Variants in RBFOX1 observed in about 807,000 individuals in gnomAD.
The protein encoded by RBFOX1 is RNA binding protein fox-1 homolog 1.
RBFOX1 carries 8 observed loss-of-function variants against 57.7 expected under a neutral mutation model. That is an observed-to-expected ratio of 0.14 (90% CI 0.08 to 0.25). The LOEUF (loss-of-function observed/expected upper bound fraction) is 0.25, where lower values mean the gene tolerates loss of function less well. RBFOX1 is among the 10% of genes least tolerant of loss of function. The pLI is 1.00. For synonymous variants in RBFOX1, 326 were observed against 222.4 expected, an observed-to-expected ratio of 1.47 and a Z score of -4.15; for missense variants, 611 against 548.5, an observed-to-expected ratio of 1.11 and a Z score of -1.14.
intron 3 of RBFOX1, among the ~76,000 whole-genome samples, chr16:6,763,576 A>G (rs1437595597): frequency 1.3e-5 from 2 of 152,232 alleles, no homozygotes; most frequent in African/African-American, 2.4e-5. Context: ...TTAATAAGCT[A>G]TCATTGACCA....
At chr16:5,906,868 AG>A (rs1227018836) in intron 4 of RBFOX1, among the ~76,000 whole-genome samples, 1 of 150,008 alleles carries the variant, frequency 6.7e-6, no homozygotes, top group Non-Finnish European at 1.5e-5. Flanking sequence ...CTGAGTAACT[AG>A]GATTACAGGT....
chr16:6,678,555 T>G (rs966310815), intron 3 of RBFOX1, among the ~76,000 whole-genome samples: 1 of 151,626 alleles, frequency 6.6e-6, no homozygotes, highest in African/African-American at 2.4e-5. Flanking sequence ...ATTTGAGATT[T>G]CTCTTTAGAG....
At chr16:6,990,629 C>T (rs2153610351) in intron 3 of RBFOX1, among the ~76,000 whole-genome samples, 1 of 152,180 alleles carries the variant, frequency 6.6e-6, no homozygotes, top group East Asian at 1.9e-4. Context: ...TACATTGGTG[C>T]AAAAGTAATT....
At chr16:5,893,026 A>T (rs1218420659) in intron 4 of RBFOX1, among the ~76,000 whole-genome samples, 1 of 152,162 alleles carries the variant, frequency 6.6e-6, no homozygotes, top group Admixed American at 6.5e-5. Context: ...GTAATGGGGA[A>T]CCTGAAGCTT....
intron 3 of RBFOX1, among the ~76,000 whole-genome samples, chr16:6,721,254 C>A (rs2065934326): frequency 6.6e-6 from 1 of 152,110 alleles, no homozygotes; most frequent in African/African-American, 2.4e-5. Context: ...ACCAGTCTGG[C>A]CAACATGGTA....
chr16:7,170,477 T>C (rs538610535), intron 4 of RBFOX1, among the ~76,000 whole-genome samples: 2 of 152,200 alleles, frequency 1.3e-5, no homozygotes, highest in East Asian at 3.9e-4. Context: ...AGTCTTGGCG[T>C]GTTGCCCATA....
Position 5,946,806 on chromosome 16 carries a change from T to G in RBFOX1, c.351+79471T>G, listed in dbSNP as rs1259338527. Among the ~76,000 whole-genome samples, 1 of 152,156 alleles carries G rather than the reference T, an allele frequency of 6.6e-6. No individual in the cohort carries two copies. Among genetic ancestry groups the G allele is most frequent in the African/African-American group, 2.4e-5 (1 of 41,446 alleles). On this transcript the variant is annotated intron_variant, in intron 4 of 19. Coordinates refer to the RBFOX1 transcript ENST00000641259. This position sits in a 1 kb window ranked among gnomAD's most constrained non-coding sequence, Gnocchi z 4.6. ...GGTGGATCATGTCAGAATTGAACTGTAGGACACCCAGTTGGTGATGGCAGA... is the reference window on the plus strand; with the variant it reads ...GGTGGATCATGTCAGAATTGAACTGGAGGACACCCAGTTGGTGATGGCAGA...
At chr16:6,704,998 A>G (rs1023871038) in intron 3 of RBFOX1, 3 of 151,914 alleles carry the variant, frequency 2.0e-5, no homozygotes, top group African/African-American at 7.3e-5. Context: ...CTATTTTTTA[A>G]CTTTAATCCG....
At chr16:7,484,196 G>A (rs1048757940) in intron 4 of RBFOX1, among the ~76,000 whole-genome samples, 1 of 152,240 alleles carries the variant, frequency 6.6e-6, no homozygotes, top group African/African-American at 2.4e-5. Context: ...TGAGTGGTAC[G>A]TCACGGTAGG....
intron 3 of RBFOX1, among the ~76,000 whole-genome samples, chr16:6,944,130 C>G (rs1020322472): frequency 6.6e-6 from 1 of 152,260 alleles, no homozygotes; most frequent in East Asian, 1.9e-4. Flanking sequence ...GGCACAGTGG[C>G]TCTTGCCTGT....
At chr16:7,244,290 T>C (rs1168159923) in intron 4 of RBFOX1, among the ~76,000 whole-genome samples, 4 of 149,624 alleles carry the variant, frequency 2.7e-5, no homozygotes, top group African/African-American at 9.9e-5. Context: ...GGCTTTTCAT[T>C]AACTACACTT....
chr16:5,315,149 A>C (rs915577254), intron 1 of RBFOX1, among the ~76,000 whole-genome samples: 8 of 152,168 alleles, frequency 5.3e-5, no homozygotes, highest in Admixed American at 5.2e-4. Flanking sequence ...TGTACAGATC[A>C]CGTTGTTGGT....
intron 13 of RBFOX1, among the ~76,000 whole-genome samples, chr16:7,667,865 G>T (rs1318500549): frequency 6.6e-6 from 1 of 151,972 alleles, no homozygotes; most frequent in Non-Finnish European, 1.5e-5. Flanking sequence ...GTAAAGACAG[G>T]ATTTCACCAT....
intron 1 of RBFOX1, among the ~76,000 whole-genome samples, chr16:6,129,420 A>G (rs1047248059): frequency 6.6e-6 from 1 of 152,204 alleles, no homozygotes; most frequent in African/African-American, 2.4e-5. Context: ...ATTGAAGACT[A>G]TAGAAGAAAG....
At chr16:7,704,576 C>G (rs575341141) in intron 14 of RBFOX1, among the ~76,000 whole-genome samples, 1 of 152,182 alleles carries the variant, frequency 6.6e-6, no homozygotes, top group Non-Finnish European at 1.5e-5. Context: ...TCCTCTCTAC[C>G]TGCACTGTTC....
intron 3 of RBFOX1, among the ~76,000 whole-genome samples, chr16:6,979,318 C>A (rs1240870341): frequency 1.3e-5 from 2 of 152,178 alleles, no homozygotes; most frequent in African/African-American, 4.8e-5. Context: ...GATATAATAG[C>A]ATTCAGTTGA....
intron 3 of RBFOX1, among the ~76,000 whole-genome samples, chr16:6,972,945 G>T (rs543731001): frequency 1.1e-4 from 16 of 152,128 alleles, no homozygotes; most frequent in Non-Finnish European, 2.1e-4. Context: ...CCAACATGGT[G>T]AAACCCCATC....
At chr16:6,204,257 G>C (rs2097238057) in intron 1 of RBFOX1, among the ~76,000 whole-genome samples, 1 of 152,022 alleles carries the variant, frequency 6.6e-6, no homozygotes, top group Non-Finnish European at 1.5e-5. Context: ...TTTTACAGTG[G>C]GGAAAATGGG....
chr16:7,487,000 A>G (rs979129586), intron 4 of RBFOX1, among the ~76,000 whole-genome samples: 3 of 152,150 alleles, frequency 2.0e-5, no homozygotes, highest in Admixed American at 6.5e-5. Flanking sequence ...CCCGGGTTCA[A>G]GCAGTTCTCC....
Sources: gnomAD v4.1 joint callset for allele counts (sites outside exome capture counted in the v4.1 genomes callset) on GRCh38, gnomAD v4.1.1 for gene constraint, Gnocchi (gnomAD v3.1) non-coding constraint, MANE v1.5 for transcripts, NCBI Gene and HGNC (gene_info 2026-07-23, HGNC 2026-07-21) for gene names.